DENND2B: variants seen among roughly 807,000 people sequenced by gnomAD.
DENND2B encodes the protein DENN domain-containing protein 2B.
DENND2B carries 32 observed loss-of-function variants against 116.0 expected under a neutral mutation model. The observed-to-expected ratio is 0.28, with a 90% confidence interval of 0.21 to 0.37. The LOEUF (loss-of-function observed/expected upper bound fraction) is 0.37. DENND2B is among the 10% of genes least tolerant of loss of function. The pLI is 1.00. For missense variants in DENND2B, 1,276 were observed against 1,477.7 expected (o/e 0.86, Z 2.24); for synonymous variants, 588 against 583.9 (o/e 1.01, Z -0.10).
chr11:8,782,501 G>A (rs2134264093), intron 1 of DENND2B, among the ~76,000 whole-genome samples: 1 of 152,218 alleles, frequency 6.6e-6, no homozygotes, highest in South Asian at 2.1e-4. Context: ...AGCCAATATG[G>A]TACAGTGTTA....
intron 1 of DENND2B, among the ~76,000 whole-genome samples, chr11:8,774,875 TAATTATTATTTTCAC>T (rs2057412294): frequency 1.3e-5 from 2 of 150,892 alleles, no homozygotes; most frequent in African/African-American, 4.9e-5. Flanking sequence ...TTTTTTTTTT[TAATTATTATTTTCAC>T]TTTTTTTTGA....
chr11:8,898,494 CAAAT>C (rs1225171502), intron 1 of DENND2B, among the ~76,000 whole-genome samples: 2 of 152,154 alleles, frequency 1.3e-5, no homozygotes, highest in Non-Finnish European at 2.9e-5. Flanking sequence ...ACTCACTAAA[CAAAT>C]AAACCAACAA....
At chr11:8,724,018 C>A (rs2133883638) in intron 4 of DENND2B, among the ~76,000 whole-genome samples, 1 of 152,344 alleles carries the variant, frequency 6.6e-6, no homozygotes, top group Non-Finnish European at 1.5e-5. Flanking sequence ...CATAAGATTC[C>A]AGGCTTCTGG....
At chr11:8,895,794 G>C (rs1488548011) in intron 1 of DENND2B, among the ~76,000 whole-genome samples, 1 of 151,840 alleles carries the variant, frequency 6.6e-6, no homozygotes, top group African/African-American at 2.4e-5. Flanking sequence ...TTAAAGAAAG[G>C]TTTATTCTTT....
chr11:8,727,207 C>T (rs1258153988), intron 3 of DENND2B, among the ~76,000 whole-genome samples: 2 of 152,200 alleles, frequency 1.3e-5, no homozygotes, highest in African/African-American at 2.4e-5. Flanking sequence ...ATGAACACCT[C>T]CCTCTTCTTT....
At chr11:8,801,995 G>GAAAA (rs35017643) in intron 1 of DENND2B, among the ~76,000 whole-genome samples, 1 of 58,910 alleles carries the variant, frequency 1.7e-5, no homozygotes. Flanking sequence ...CTCTCTTGGG[G>GAAAA]AAAAAAAAAA....
chr11:8,753,893 A>T (rs1297999002), intron 1 of DENND2B, among the ~76,000 whole-genome samples: 1 of 152,182 alleles, frequency 6.6e-6, no homozygotes, highest in Non-Finnish European at 1.5e-5. Flanking sequence ...TACCATATTT[A>T]AAAATAAAGT....
At chr11:8,779,792 G>A (rs2058188969) in intron 1 of DENND2B, among the ~76,000 whole-genome samples, 2 of 152,210 alleles carry the variant, frequency 1.3e-5, no homozygotes, top group Non-Finnish European at 2.9e-5. Flanking sequence ...TCGGATTACA[G>A]GCGTGAGCCA....
chr11:8,727,909 T>G (rs1307681946), intron 3 of DENND2B, among the ~76,000 whole-genome samples: 1 of 151,610 alleles, frequency 6.6e-6, no homozygotes. Context: ...GGTTTTTTTT[T>G]TTTTTTTTGG....
chr11:8,756,140 C>T (rs1336247656), intron 1 of DENND2B, among the ~76,000 whole-genome samples: 1 of 152,206 alleles, frequency 6.6e-6, no homozygotes, highest in African/African-American at 2.4e-5. Context: ...TCTATCAGTT[C>T]CAGGGCAGGC....
intron 2 of DENND2B, among the ~76,000 whole-genome samples, chr11:8,737,424 CTAAG>C (rs539853926): frequency 2.2e-4 from 34 of 152,186 alleles, no homozygotes; most frequent in Middle Eastern, 3.4e-3. Context: ...CTGCCAACAA[CTAAG>C]TAAGAGAAGG....
intron 2 of DENND2B, among the ~76,000 whole-genome samples, chr11:8,732,214 A>G (rs2048241337): frequency 6.6e-6 from 1 of 152,260 alleles, no homozygotes. Flanking sequence ...ATCCATATGC[A>G]GATCTTGGCA....
intron 1 of DENND2B, among the ~76,000 whole-genome samples, chr11:8,889,871 G>A (rs1009168136): frequency 7.2e-5 from 11 of 152,368 alleles, no homozygotes; most frequent in African/African-American, 2.6e-4. Flanking sequence ...AAATGTCCCT[G>A]TCTGGCAGCT....
At chr11:8,724,388 A>G (rs541182005) in intron 4 of DENND2B, among the ~76,000 whole-genome samples, 1 of 152,262 alleles carries the variant, frequency 6.6e-6, no homozygotes, top group Non-Finnish European at 1.5e-5. Flanking sequence ...CTAACACCAC[A>G]TTCTTCAGAT....
At position 8,840,739 on chromosome 11, in the gene DENND2B, T is replaced by C. The variant is rs1594195405; in HGVS notation, c.-155-1389A>G. 2.6e-5 allele frequency among the ~76,000 whole-genome samples: 4 copies of C among 152,078 alleles called. No homozygotes were observed. In the South Asian group the frequency reaches 8.3e-4, roughly 32 times the overall value. ...GTGCAGTATCCAGCCCCACCCCACATAGGAAGCACTGGCAGACAGGTCCTT... is the reference window on the plus strand; with the variant it reads ...GTGCAGTATCCAGCCCCACCCCACACAGGAAGCACTGGCAGACAGGTCCTT... On this transcript the variant is annotated intron_variant, in intron 3 of 6. Transcript: ENST00000524757.
rs2047907778 is a variant in DENND2B at position 8,730,345 on chromosome 11, C to T, written c.945G>A (p.Arg315=). The T allele has an allele frequency of 1.3e-6, 2 of 1,599,894 alleles. No homozygotes were observed. Among genetic ancestry groups the T allele is most frequent in the Non-Finnish European group, 1.7e-6 (2 of 1,177,874 alleles). ...SSCYSVDRGK[R]KTGTLGSLEE... Reference sequence around the variant, plus strand: ...CCAAGGAGCCCAAGGTTCCAGTCTTCCTTTTCCCCCGGTCCACGCTGTAGC... The same window carrying T: ...CCAAGGAGCCCAAGGTTCCAGTCTTTCTTTTCCCCCGGTCCACGCTGTAGC... Residue 315 remains arginine (R), a synonymous_variant, in exon 3 of 20, where the codon AGG becomes AGA. Coordinates refer to ENST00000313726, the MANE Select transcript of DENND2B (RefSeq NM_213618.2). This position sits in a 1 kb window ranked among gnomAD's most constrained non-coding sequence, Gnocchi z 4.1.
intron 4 of DENND2B, among the ~76,000 whole-genome samples, chr11:8,834,226 T>C (rs911829824): frequency 1.3e-5 from 2 of 152,234 alleles, no homozygotes; most frequent in African/African-American, 4.8e-5. Flanking sequence ...TTTCCTGAAC[T>C]GTTCATTCCA....
At chr11:8,763,881 G>C (rs2055125215) in intron 1 of DENND2B, among the ~76,000 whole-genome samples, 1 of 152,048 alleles carries the variant, frequency 6.6e-6, no homozygotes. Context: ...GCAGGATACA[G>C]AGCTCAGCAG....
rs150290339 is a variant in DENND2B, at chr11:8,818,469, C to T, written c.-114-7134G>A. Among the ~76,000 whole-genome samples, 410 of 152,224 alleles carry T rather than the reference C, an allele frequency of 2.7e-3. 6 individuals carry two copies. The highest frequency in any genetic ancestry group is 9.5e-3 in the African/African-American group (395 of 41,526). ...ATCTACCCAAGAAAATACCTTCAGCCTGGGAAAGAAGTACCCCTAAGAGTA... is the reference window on the plus strand; with the variant it reads ...ATCTACCCAAGAAAATACCTTCAGCTTGGGAAAGAAGTACCCCTAAGAGTA... On this transcript the variant is annotated intron_variant, in intron 4 of 6. Coordinates refer to the DENND2B transcript ENST00000524757.
Sources: allele counts gnomAD v4.1 joint callset (sites outside exome capture counted in the v4.1 genomes callset), GRCh38; gene constraint gnomAD v4.1.1; non-coding constraint Gnocchi (gnomAD v3.1); transcripts MANE v1.5; gene names NCBI Gene and HGNC (gene_info 2026-07-23, HGNC 2026-07-21).